Variants in IRF3 observed in about 807,000 individuals in gnomAD.
The protein encoded by IRF3 is interferon regulatory factor 3.
IRF3 carries 29 observed loss-of-function variants against 43.2 expected under a neutral mutation model. The observed-to-expected ratio is 0.67, with a 90% CI of 0.50 to 0.91. IRF3 has a LOEUF of 0.91. Among genes scored for constraint, IRF3 ranks in the 40% least tolerant of loss-of-function variants. IRF3 has a pLI of 0.00. For synonymous variants in IRF3, 228 were observed against 233.9 expected, an observed-to-expected ratio of 0.97 and a Z score of 0.23; for missense variants, 505 against 559.1, an observed-to-expected ratio of 0.90 and a Z score of 0.98.
At chr19:49,664,638 C>T (rs2081567971) in intron 2 of IRF3, 36 bp downstream of exon 2, 2 of 1,610,156 alleles carry the variant, frequency 1.2e-6, no homozygotes, top group Non-Finnish European at 1.7e-6. Context: ...CAGCGCGCAG[C>T]TCCGGGTTTC....
intron 6 of IRF3, 184 bp downstream of exon 6, chr19:49,661,764 A>C: frequency 1.5e-6 from 1 of 685,066 alleles, no homozygotes; most frequent in Non-Finnish European, 2.4e-6. Flanking sequence ...TATCTTTAGT[A>C]GAGATGGGGT....
At chr19:49,660,690 C>T (rs1239389146) in intron 7 of IRF3, 23 bp downstream of exon 7, 2 of 1,558,744 alleles carry the variant, frequency 1.3e-6, no homozygotes, top group East Asian at 4.8e-5. Context: ...CTTTCAGCCC[C>T]AGGGACTCAG....
chr19:49,659,912 C>G, intron 7 of IRF3, 79 bp from the exon 8 acceptor site: 1 of 1,454,914 alleles, frequency 6.9e-7, no homozygotes, highest in South Asian at 1.4e-5. Context: ...GCTTGGAGGA[C>G]TACAACTCCC....
intron 7 of IRF3, 109 bp downstream of exon 7, chr19:49,660,604 G>T (rs773361428): frequency 8.7e-7 from 1 of 1,148,742 alleles, no homozygotes. Flanking sequence ...AGAGATCTTG[G>T]AAGTTGCAGT....
chr19:49,663,356 C>T lies in IRF3; in HGVS notation c.324G>A (p.Glu108=). 1 of 1,614,204 alleles carries T rather than the reference C, an allele frequency of 6.2e-7. No individual in the cohort carries two copies. Among genetic ancestry groups the T allele is most frequent in the Non-Finnish European group, 8.5e-7 (1 of 1,180,032 alleles). The part of the protein sequence containing the change: ...KDPHDPHKIY[E]FVNSGVGDFS... ...AAGCTGGCAGACCTGAGTTCACAAA[C>T]TCGTAGATTTTATGTGGGTCGTGAG... The change falls in exon 3 of 8, where the codon GAG becomes GAA. Residue 108 remains glutamate, a synonymous_variant. Transcript: ENST00000377139.
Position 49,663,516 on chromosome 19 carries a change from T to TG in IRF3, c.166-3dup, listed in dbSNP as rs2081452224. The TG allele has an allele frequency of 6.2e-7, 1 of 1,613,722 alleles. No homozygotes were observed. The highest frequency in any genetic ancestry group is 1.7e-5 in the Admixed American group (1 of 60,006). On this transcript the variant is annotated splice_polypyrimidine_tract_variant and splice_region_variant and intron_variant, in intron 2 of 7. Transcript: ENST00000377139. ...TGCACCAGTGGCCTCGGCCCAGGCCTGGGGCAACAGTGGTGTCAGGATGGT... is the reference window on the plus strand; with the variant it reads ...TGCACCAGTGGCCTCGGCCCAGGCCTGGGGGCAACAGTGGTGTCAGGATGGT...
In IRF3 at chr19:49,659,618, G is replaced by C. The variant is rs370098271; in HGVS notation, c.*30C>G. On this transcript the variant is annotated 3_prime_UTR_variant, in exon 8 of 8. Coordinates refer to ENST00000377139, the MANE Select transcript of IRF3 (RefSeq NM_001571.6). Reference sequence around the variant, plus strand: ...TGGTTGAGGTGGTGGGGAACAGGGGGGTTGGAGGCACACCATGAGGAGCGA... The same window carrying C: ...TGGTTGAGGTGGTGGGGAACAGGGGCGTTGGAGGCACACCATGAGGAGCGA... 1.1e-5 allele frequency: 17 copies of C among 1,595,342 alleles called. No homozygotes were observed. In the African/African-American group the frequency reaches 2.3e-4, roughly 21 times the overall value.
intron 7 of IRF3, among the ~76,000 whole-genome samples, 187 bp downstream of exon 7, chr19:49,660,526 A>T (rs988903113): frequency 1.3e-5 from 2 of 152,044 alleles, no homozygotes; most frequent in African/African-American, 4.8e-5. Flanking sequence ...TGGTTTAGAG[A>T]GTTCAAAACA....
At chr19:49,660,966 G>A in intron 6 of IRF3, 138 bp from the exon 7 acceptor site, 1 of 1,022,682 alleles carries the variant, frequency 9.8e-7, no homozygotes, top group South Asian at 1.7e-5. Context: ...GCTTGTTTGG[G>A]GAAAGTCCCC....
At chr19:49,665,108 C>T (rs771484306) in intron 1 of IRF3, 9 of 440,282 alleles carry the variant, frequency 2.0e-5, no homozygotes, top group Non-Finnish European at 3.7e-5. Flanking sequence ...TCAATTCCGC[C>T]AGTATAGACC....
chr19:49,660,396 A>T (rs993895849), intron 7 of IRF3, among the ~76,000 whole-genome samples: 1 of 152,118 alleles, frequency 6.6e-6, no homozygotes, highest in African/African-American at 2.4e-5. Context: ...GCTCCTTAAG[A>T]GAATCTAATG....
intron 2 of IRF3, 164 bp downstream of exon 2, chr19:49,664,510 C>G: frequency 1.3e-6 from 2 of 1,572,608 alleles, no homozygotes; most frequent in East Asian, 4.6e-5. Flanking sequence ...CATCAGTCAG[C>G]GGATCCGGCT....
chr19:49,659,625 G>A lies in IRF3; in HGVS notation c.*23C>T, dbSNP rs1568449727. On this transcript the variant is annotated 3_prime_UTR_variant, in exon 8 of 8. Transcript: ENST00000377139. ...GGTGGTGGGGAACAGGGGGGTTGGA[G>A]GCACACCATGAGGAGCGAGGGCTCA... The A allele has an allele frequency of 6.2e-7, 1 of 1,601,830 alleles. No homozygotes were observed. Among genetic ancestry groups the A allele is most frequent in the African/African-American group, 1.3e-5 (1 of 74,696 alleles).
chr19:49,665,275 A>C (rs985281327), intron 1 of IRF3: 4 of 176,194 alleles, frequency 2.3e-5, no homozygotes, highest in Admixed American at 2.3e-4. Context: ...CCTACAGAAG[A>C]TCTCCCAAAA....
intron 7 of IRF3, among the ~76,000 whole-genome samples, chr19:49,660,093 A>ATACACACACACACACACAC (rs2081250663): frequency 7.7e-6 from 1 of 130,592 alleles, no homozygotes; most frequent in African/African-American, 3.4e-5. Context: ...CACACACACA[A>ATACACACACACACACACAC]ACACACACAC....
In IRF3 at chr19:49,659,636, A is replaced by G. The variant is rs769042253; in HGVS notation, c.*12T>C. On this transcript the variant is annotated 3_prime_UTR_variant, in exon 8 of 8. Transcript: ENST00000377139. ...ACAGGGGGGTTGGAGGCACACCATG[A>G]GGAGCGAGGGCTCAGCTCTCCCCAG... The G allele has an allele frequency of 1.6e-5, 25 of 1,608,486 alleles. No individual in the cohort carries two copies. The highest frequency in any genetic ancestry group is 2.2e-5 in the East Asian group (1 of 44,652).
Position 49,662,548 on chromosome 19 carries a change from G to A in IRF3, c.478C>T (p.Leu160=). 1 of 1,532,450 alleles carries A rather than the reference G, an allele frequency of 6.5e-7. No individual in the cohort carries two copies. Among genetic ancestry groups the A allele is most frequent in the Non-Finnish European group, 8.7e-7 (1 of 1,144,142 alleles). 94.9% of individuals were successfully genotyped at this position (1,532,450 alleles called of 1,614,324 possible). The change falls in exon 5 of 8, where the codon CTG becomes TTG. Residue 160 remains leucine, a synonymous_variant. Transcript: ENST00000377139. ...APLPDPGPPS[L]AVAPEPCPQP... ...GGGCAGGGCTCAGGGGCTACAGCCA[G>A]GCTTGGGGGTCCCGGATCTGGGAGT...
In IRF3 at chr19:49,662,029, G is replaced by A. The variant is rs372478931; in HGVS notation, c.901C>T (p.Pro301Ser). The change falls in exon 6 of 8, where the codon CCC (proline) becomes TCC (serine). Residue 301 changes from proline (P) to serine (S), a missense_variant. Coordinates refer to ENST00000377139, the MANE Select transcript of IRF3 (RefSeq NM_001571.6). ...CCATCAGGCCCATGCCCGCTGTTGG[G>A]GAGCAGCTCCTCGCTCACTGCCCAG... is the stretch of plus-strand genomic sequence containing the variant. ...TYWAVSEELL[P>S]NSGHGPDGEV... 1.1e-5 allele frequency: 17 copies of A among 1,614,024 alleles called. No individual in the cohort carries two copies. The highest frequency in any genetic ancestry group is 1.4e-5 in the Non-Finnish European group (16 of 1,180,000).
intron 4 of IRF3, among the ~76,000 whole-genome samples, 179 bp downstream of exon 4, chr19:49,663,009 G>C (rs1241069490): frequency 1.3e-5 from 2 of 152,190 alleles, no homozygotes; most frequent in Non-Finnish European, 2.9e-5. Flanking sequence ...CTTGAATGCT[G>C]GGTGAAGACT....
Sources: allele counts gnomAD v4.1 joint callset (sites outside exome capture counted in the v4.1 genomes callset), GRCh38; gene constraint gnomAD v4.1.1; transcripts MANE v1.5; gene names NCBI Gene and HGNC (gene_info 2026-07-23, HGNC 2026-07-21).